Variants in NDUFS8 observed in about 807,000 individuals in gnomAD.
NDUFS8 encodes NADH dehydrogenase [ubiquinone] iron-sulfur protein 8, mitochondrial.
In NDUFS8, 13 loss-of-function variants were observed where a neutral mutation model predicts 25.6. The observed-to-expected ratio is 0.51, with a 90% CI of 0.33 to 0.81. NDUFS8 has a LOEUF of 0.81. NDUFS8 is among the 30% of genes least tolerant of loss of function. NDUFS8 has a pLI of 0.02. For missense variants in NDUFS8, 257 were observed against 300.9 expected (o/e 0.85, Z 1.08); for synonymous variants, 119 against 119.4 (o/e 1.00, Z 0.02).
At chr11:68,031,891 AGGAT>A (rs1854773174) in intron 1 of NDUFS8, among the ~76,000 whole-genome samples, 1 of 152,234 alleles carries the variant, frequency 6.6e-6, no homozygotes, top group Non-Finnish European at 1.5e-5. Context: ...GGAGAAAGGA[AGGAT>A]GGATTTAAAA....
At chr11:68,032,595 C>G in intron 3 of NDUFS8, 1 of 1,305,212 alleles carries the variant, frequency 7.7e-7, no homozygotes, top group Non-Finnish European at 1.0e-6. Context: ...CCATGGGTAC[C>G]TGTGCCTATT....
At chr11:68,036,029 A>T in intron 5 of NDUFS8, 1 of 176,608 alleles carries the variant, frequency 5.7e-6, no homozygotes, top group Admixed American at 1.7e-4. Context: ...AAAAAAAAAA[A>T]AAAAAAAAAA....
Position 68,033,169 on chromosome 11 carries a change from C to G in NDUFS8, c.258C>G (p.Phe86Leu). Residue 86 changes from phenylalanine to leucine, a missense_variant, in exon 5 of 7, where the codon TTC becomes TTG. Coordinates refer to ENST00000313468, the MANE Select transcript of NDUFS8 (RefSeq NM_002496.4). The stretch of plus-strand genomic sequence containing the variant: ...AACCGGCCACCATCAACTACCCGTT[C>G]GAGAAGGGCCCGCTGAGCCCTCGCT... Reference protein sequence around the residue: ...FREPATINYPFEKGPLSPRFR... With the variant: ...FREPATINYPLEKGPLSPRFR... The G allele has an allele frequency of 6.2e-7, 1 of 1,612,566 alleles. No homozygotes were observed. Among genetic ancestry groups the G allele is most frequent in the Non-Finnish European group, 8.5e-7 (1 of 1,179,660 alleles).
chr11:68,035,394 G>A (rs898582459), intron 5 of NDUFS8: 2 of 193,558 alleles, frequency 1.0e-5, no homozygotes, highest in Non-Finnish European at 2.2e-5. Context: ...CTGCACCACT[G>A]TACTCCAGCC....
chr11:68,032,867 C>T, intron 3 of NDUFS8, 56 bp from the exon 4 acceptor site: 1 of 1,562,564 alleles, frequency 6.4e-7, no homozygotes, highest in Non-Finnish European at 8.8e-7. Flanking sequence ...CCTGAGGCTC[C>T]AGGGAGACAG....
intron 5 of NDUFS8, chr11:68,035,675 C>T: frequency 2.2e-6 from 1 of 455,574 alleles, no homozygotes; most frequent in Non-Finnish European, 4.4e-6. Context: ...AAGCGGTGAA[C>T]AGCCCCCTCG....
In NDUFS8 at chr11:68,036,496, A is replaced by T; in HGVS notation, c.536A>T (p.Glu179Val). Residue 179 changes from glutamate (E) to valine (V), a missense_variant, in exon 7 of 7, where the codon GAG becomes GTG. Glu to Val is a moderately radical substitution (Grantham distance 121). Coordinates refer to ENST00000313468, the MANE Select transcript of NDUFS8 (RefSeq NM_002496.4). ...TTTGAGTTCTCCACGGAGACCCATG[A>T]GGAGCTGCTGTACAACAAGGAGAAG... The part of the protein sequence containing the change: ...PNFEFSTETH[E>V]ELLYNKEKLL... 1.9e-6 allele frequency: 3 copies of T among 1,614,098 alleles called. No individual in the cohort carries two copies. The South Asian group carries it at 3.3e-5, about 18-fold the overall frequency.
In NDUFS8 at chr11:68,036,580, A is replaced by T; in HGVS notation, c.620A>T (p.Tyr207Phe). 1.9e-6 allele frequency: 3 copies of T among 1,613,734 alleles called. No individual in the cohort carries two copies. Among genetic ancestry groups the T allele is most frequent in the Non-Finnish European group, 1.7e-6 (2 of 1,179,950 alleles). The change falls in exon 7 of 7, where the codon TAC (tyrosine) becomes TTC (phenylalanine). Residue 207 changes from tyrosine to phenylalanine, a missense_variant. Coordinates refer to ENST00000313468, the MANE Select transcript of NDUFS8 (RefSeq NM_002496.4). ...ATCGCCGCCAACATCCAGGCTGACT[A>T]CTTGTATCGGTGACGCCCCACCGGC... ...AEIAANIQAD[Y>F]LYR
At chr11:68,036,184 A>AGTGACAGGGGCCCTGGGGGCTGGGAT (rs1252843343) in intron 5 of NDUFS8, 69 bp from the exon 6 acceptor site, 159 of 1,605,508 alleles carry the variant, frequency 9.9e-5, no homozygotes, top group Middle Eastern at 8.8e-4. Flanking sequence ...GGGGATGAGC[A>AGTGACAGGGGCCCTGGGGGCTGGGAT]GTGACAGGGG....
chr11:68,030,818 A>C, intron 1 of NDUFS8, 85 bp downstream of exon 1: 1 of 391,548 alleles, frequency 2.6e-6, no homozygotes, highest in Non-Finnish European at 5.2e-6. Context: ...TGGCGCCGCC[A>C]GCTCTGCGCC....
chr11:68,031,707 C>T (rs553750463), intron 1 of NDUFS8: 1 of 314,042 alleles, frequency 3.2e-6, no homozygotes, highest in Admixed American at 4.4e-5. Flanking sequence ...CTCGTGGAGT[C>T]CTTGTAAGGA....
rs1361942354 is a variant in NDUFS8 at position 68,036,379 on chromosome 11, G to A, written c.499G>A (p.Glu167Lys). ...QEACPVDAIVEGPNFEFSTET... is the reference protein window; with the variant it reads ...QEACPVDAIVKGPNFEFSTET... ...GGCCTGTCCCGTGGATGCCATCGTC[G>A]AGGCACGTGAGGCCCCCGGGTGGGA... is the stretch of plus-strand genomic sequence containing the variant. The change falls in exon 6 of 7, where the codon GAG (glutamate) becomes AAG (lysine). Residue 167 changes from glutamate (E) to lysine (K), a missense_variant and splice_region_variant. Coordinates refer to ENST00000313468, the MANE Select transcript of NDUFS8 (RefSeq NM_002496.4). The A allele has an allele frequency of 3.7e-6, 6 of 1,613,736 alleles. No individual in the cohort carries two copies. The highest frequency in any genetic ancestry group is 4.2e-6 in the Non-Finnish European group (5 of 1,179,982).
At position 68,032,960 on chromosome 11, in the gene NDUFS8, G is replaced by A. The variant is rs1854800820; in HGVS notation, c.147G>A (p.Lys49=). The A allele has an allele frequency of 6.2e-7, 1 of 1,613,938 alleles. No individual in the cohort carries two copies. Among genetic ancestry groups the A allele is most frequent in the South Asian group, 1.1e-5 (1 of 91,086 alleles). Residue 49 remains lysine, a synonymous_variant, in exon 4 of 7, where the codon AAG becomes AAA. Coordinates refer to ENST00000313468, the MANE Select transcript of NDUFS8 (RefSeq NM_002496.4). The part of the protein sequence containing the change: ...VNMQDPEMDM[K]SVTDRAARTL... ...TGCAGGATCCCGAGATGGACATGAA[G>A]TCAGTGACTGACCGGGCAGCCCGCA... is the stretch of plus-strand genomic sequence containing the variant.
intron 1 of NDUFS8, chr11:68,031,505 C>T: frequency 5.9e-6 from 1 of 168,270 alleles, no homozygotes; most frequent in Non-Finnish European, 1.3e-5. Flanking sequence ...CACCACCACA[C>T]CTGGCTAATT....
In NDUFS8 at chr11:68,033,404, C is replaced by T. The variant is rs777386792; in HGVS notation, c.372+121C>T. The T allele has an allele frequency of 5.2e-6, 6 of 1,157,324 alleles. No homozygotes were observed. In the African/African-American group the frequency reaches 6.1e-5, roughly 12 times the overall value. 71.7% of individuals were successfully genotyped at this position (1,157,324 alleles called of 1,614,324 possible). A position where few individuals can be genotyped will look rare whatever the true frequency, so the allele number is the denominator to read the frequency against. ...GTGCGTCCCCAGGAAGTCCCTTTCC[C>T]CCTCTGAGCCACTTCCCTCGTGAAT... On this transcript the variant is annotated intron_variant, in intron 5 of 6. Coordinates refer to ENST00000313468, the MANE Select transcript of NDUFS8 (RefSeq NM_002496.4).
Position 68,036,279 on chromosome 11 carries a change from AG to A in NDUFS8, c.400del (p.Ala134LeufsTer14). 1 of 1,612,836 alleles carries A rather than the reference AG, an allele frequency of 6.2e-7. No individual in the cohort carries two copies. Among genetic ancestry groups the A allele is most frequent in the Non-Finnish European group, 8.5e-7 (1 of 1,179,836 alleles). Reference protein sequence around the residue: ...QAITIEAEPRADGSRRTTRYD... With the variant: ...QAITIEAEPRXDGSRRTTRYD... Reference sequence around the variant, plus strand: ...CCATCACCATCGAGGCTGAGCCAAGAGCTGATGGCAGCCGCCGGACCACCCG... The same window carrying A: ...CCATCACCATCGAGGCTGAGCCAAGACTGATGGCAGCCGCCGGACCACCCG... On this transcript the variant is annotated frameshift_variant, in exon 6 of 7. Transcript: ENST00000313468. LOFTEE classifies it high-confidence loss of function.
At chr11:68,032,097 A>G in intron 1 of NDUFS8, 55 bp from the exon 2 acceptor site, 1 of 1,610,470 alleles carries the variant, frequency 6.2e-7, no homozygotes, top group East Asian at 2.2e-5. Flanking sequence ...TGCCAGTCTC[A>G]GAAGAGGATG....
chr11:68,034,818 C>G (rs547653396), intron 5 of NDUFS8: 1 of 149,824 alleles, frequency 6.7e-6, no homozygotes, highest in African/African-American at 2.5e-5. Flanking sequence ...CGCCTGTAAT[C>G]CCAGCACTTT....
chr11:68,032,373 T>C lies in NDUFS8; in HGVS notation c.109+37T>C, dbSNP rs573290810. The C allele has an allele frequency of 9.8e-5, 158 of 1,612,748 alleles. 2 individuals carry two copies. The South Asian group carries it at 1.7e-3, about 17-fold the overall frequency. ...GGTGGCCTCTAGCCTCAGGTGTTCC[T>C]GACTGGTCCTGCTGGAGTAGGGGAA... On this transcript the variant is annotated intron_variant, in intron 3 of 6. Transcript: ENST00000313468.
Sources: allele counts gnomAD v4.1 joint callset (sites outside exome capture counted in the v4.1 genomes callset), GRCh38; gene constraint gnomAD v4.1.1; transcripts MANE v1.5; gene names NCBI Gene and HGNC (gene_info 2026-07-23, HGNC 2026-07-21).